ABCA6: variants seen among roughly 807,000 people sequenced by gnomAD.
The protein encoded by ABCA6 is ATP binding cassette subfamily A member 6.
In ABCA6, 164 loss-of-function variants were observed where a neutral mutation model predicts 191.2. That is an observed-to-expected ratio of 0.86 (90% CI 0.76 to 0.98). The LOEUF (loss-of-function observed/expected upper bound fraction) is 0.98, where lower values mean the gene tolerates loss of function less well. Ranked by LOEUF, ABCA6 falls within the 50% of genes least tolerant of loss-of-function variation. The pLI, the probability that ABCA6 is intolerant of heterozygous loss-of-function variation, is 0.00. For missense variants in ABCA6, 1,958 were observed against 1,894.1 expected (o/e 1.03, Z -0.63); for synonymous variants, 636 against 647.7 (o/e 0.98, Z 0.27).
chr17:69,103,000 A>G, intron 20 of ABCA6, 32 bp from the exon 21 acceptor site: 2 of 1,331,618 alleles, frequency 1.5e-6, no homozygotes, highest in Non-Finnish European at 2.1e-6. Context: ...AAGGCCATAG[A>G]AAAGTAAGAA....
At chr17:69,091,885 C>T (rs550384852) in intron 25 of ABCA6, among the ~76,000 whole-genome samples, 21 of 152,202 alleles carry the variant, frequency 1.4e-4, no homozygotes, top group African/African-American at 5.1e-4. Context: ...GAGGGATTAC[C>T]TTTTTATGGC....
chr17:69,111,386 G>T (rs1314117158), intron 16 of ABCA6: 3 of 152,714 alleles, frequency 2.0e-5, no homozygotes, highest in Non-Finnish European at 4.4e-5. Flanking sequence ...ATATGGTTTG[G>T]CTGTGTCCCC....
At chr17:69,093,151 G>C (rs2072966426) in intron 25 of ABCA6, among the ~76,000 whole-genome samples, 1 of 152,032 alleles carries the variant, frequency 6.6e-6, no homozygotes, top group African/African-American at 2.4e-5. Flanking sequence ...GTGTTTTTCT[G>C]AGCAAGTTAC....
intron 11 of ABCA6, among the ~76,000 whole-genome samples, chr17:69,116,662 T>C (rs1308748381): frequency 6.6e-6 from 1 of 152,096 alleles, no homozygotes; most frequent in Non-Finnish European, 1.5e-5. Context: ...GGTATCCATA[T>C]AATGGAATGG....
intron 22 of ABCA6, chr17:69,098,368 T>C (rs62082731): frequency 0.11 from 21,673 of 200,980 alleles, 1,419 homozygotes; most frequent in Middle Eastern, 0.16. Context: ...TGTGTATGTA[T>C]ATACAAACAA....
At chr17:69,097,893 TTTC>T (rs1314964555) in intron 23 of ABCA6, 24 bp downstream of exon 23, 2 of 1,518,476 alleles carry the variant, frequency 1.3e-6, no homozygotes, top group South Asian at 2.5e-5. Context: ...ATTCCTGAAA[TTTC>T]TTCTTTTCCC....
chr17:69,084,324 G>T lies in ABCA6; in HGVS notation c.4292C>A (p.Ser1431Ter). 1 of 1,614,162 alleles carries T rather than the reference G, an allele frequency of 6.2e-7. No homozygotes were observed. The highest frequency in any genetic ancestry group is 2.2e-5 in the East Asian group (1 of 44,882). ...LCFVLSLLGN[S>*]PVLLLDEPST... Reference sequence around the variant, plus strand: ...TGGTTCATCCAGGAGCAAGACAGGTGAGTTTCCCAGGAGGCTCAGCACAAA... The same window carrying T: ...TGGTTCATCCAGGAGCAAGACAGGTTAGTTTCCCAGGAGGCTCAGCACAAA... The change falls in exon 34 of 39, where the codon TCA (serine) becomes TAA (stop). Residue 1431 changes from serine (S) to a stop codon, truncating the protein, a stop_gained. Coordinates refer to ENST00000284425, the MANE Select transcript of ABCA6 (RefSeq NM_080284.3). LOFTEE classifies it high-confidence loss of function.
intron 18 of ABCA6, among the ~76,000 whole-genome samples, 156 bp downstream of exon 18, chr17:69,107,540 G>A (rs903635424): frequency 1.3e-5 from 2 of 152,186 alleles, no homozygotes; most frequent in East Asian, 1.9e-4. Context: ...TAGTAATGAC[G>A]CTAAGAAATA....
chr17:69,082,889 C>T lies in ABCA6; in HGVS notation c.4600G>A (p.Ala1534Thr). 3 of 1,614,202 alleles carry T rather than the reference C, an allele frequency of 1.9e-6. No homozygotes were observed. Among genetic ancestry groups the T allele is most frequent in the South Asian group, 1.1e-5 (1 of 91,078 alleles). The part of the protein sequence containing the change: ...HTEILKLFPQ[A>T]AGQERYSSLL... ...CCGTCTCACCTTTCCTGCCCTGCAG[C>T]CTGTGGGAAAAGCTTCAGAATCTCA... Residue 1534 changes from alanine to threonine, a missense_variant, in exon 36 of 39, where the codon GCT becomes ACT. Ala to Thr is a moderately conservative substitution (Grantham distance 58, BLOSUM62 0). Transcript: ENST00000284425.
intron 13 of ABCA6, 143 bp from the exon 14 acceptor site, chr17:69,113,880 G>A: frequency 1.7e-6 from 1 of 599,380 alleles, no homozygotes; most frequent in Non-Finnish European, 2.8e-6. Context: ...CCTCACACCA[G>A]TTAGTATGGC....
intron 17 of ABCA6, chr17:69,110,298 C>T (rs966155621): frequency 4.5e-5 from 7 of 155,330 alleles, no homozygotes; most frequent in East Asian, 3.8e-4. Context: ...CACCTGTACA[C>T]GGTAAATCTG....
At chr17:69,112,741 T>C (rs736528) in intron 15 of ABCA6, 30,547 of 155,076 alleles carry the variant, frequency 0.2, 6,077 homozygotes, top group African/African-American at 0.51. Context: ...ACCAGAAGCC[T>C]GGACTTCACC....
At chr17:69,132,816 G>A (rs2073887099) in intron 6 of ABCA6, among the ~76,000 whole-genome samples, 1 of 152,052 alleles carries the variant, frequency 6.6e-6, no homozygotes, top group Non-Finnish European at 1.5e-5. Flanking sequence ...CTAATTATTT[G>A]TCTTTATTAT....
chr17:69,113,412 T>C, intron 14 of ABCA6, 52 bp from the exon 15 acceptor site: 1 of 1,554,926 alleles, frequency 6.4e-7, no homozygotes, highest in Non-Finnish European at 8.7e-7. Flanking sequence ...ATTAACTGTA[T>C]CCAGAAGATA....
Position 69,136,247 on chromosome 17 carries a change from G to C in ABCA6, c.305C>G (p.Thr102Arg). 3 of 1,537,526 alleles carry C rather than the reference G, an allele frequency of 2.0e-6. No individual in the cohort carries two copies. The highest frequency in any genetic ancestry group is 2.6e-6 in the Non-Finnish European group (3 of 1,143,394). The change falls in exon 4 of 39, where the codon ACA becomes AGA. Residue 102 changes from threonine to arginine, a missense_variant. Coordinates refer to ENST00000284425, the MANE Select transcript of ABCA6 (RefSeq NM_080284.3). The part of the protein sequence containing the change: ...KTALAPLLKG[T>R]SVIGAPNKTH... ...TTTATTTGGTGCCCCAATGACACTT[G>C]TTCCTGTGAATTACAAGGTAAAAAT... is the stretch of plus-strand genomic sequence containing the variant.
chr17:69,086,944 A>C (rs1367436336), intron 29 of ABCA6, among the ~76,000 whole-genome samples: 2 of 152,194 alleles, frequency 1.3e-5, no homozygotes, highest in African/African-American at 4.8e-5. Context: ...TTGTCTTGCC[A>C]GAAGAGGGGT....
At position 69,085,116 on chromosome 17, in the gene ABCA6, A is replaced by G. The variant is rs1345711490; in HGVS notation, c.4096T>C (p.Trp1366Arg). Residue 1366 changes from tryptophan to arginine, a missense_variant, in exon 32 of 39, where the codon TGG (tryptophan) becomes CGG (arginine). Coordinates refer to ENST00000284425, the MANE Select transcript of ABCA6 (RefSeq NM_080284.3). ...TGTTCCCTCAACGTCAGCATGGGCC[A>G]CAGCACGTTCTCTTGAGGGCAGTAC... ...LGYCPQENVLWPMLTLREHLE... is the reference protein window; with the variant it reads ...LGYCPQENVLRPMLTLREHLE... 6.2e-7 allele frequency: 1 copy of G among 1,613,498 alleles called. No homozygotes were observed. Among genetic ancestry groups the G allele is most frequent in the South Asian group, 1.1e-5 (1 of 90,910 alleles).
At chr17:69,089,697 G>A (rs12453921) in intron 26 of ABCA6, among the ~76,000 whole-genome samples, 155 bp from the exon 27 acceptor site, 78,804 of 151,940 alleles carry the variant, frequency 0.52, 22,611 homozygotes, top group Non-Finnish European at 0.66. Context: ...CCACAGAAAA[G>A]AGAACCTCCT....
At chr17:69,111,921 C>T in intron 16 of ABCA6, 1 of 342,830 alleles carries the variant, frequency 2.9e-6, no homozygotes, top group East Asian at 5.3e-5. Flanking sequence ...TTAGGCTGCA[C>T]AGAACAGCTA....
Sources: allele counts gnomAD v4.1 joint callset (sites outside exome capture counted in the v4.1 genomes callset), GRCh38; gene constraint gnomAD v4.1.1; transcripts MANE v1.5; gene names NCBI Gene and HGNC (gene_info 2026-07-23, HGNC 2026-07-21).